Variants in CHD7 observed in about 807,000 individuals in gnomAD.
CHD7 encodes ATP-dependent chromatin remodeler CHD7.
CHD7 carries 24 observed loss-of-function variants against 307.3 expected under a neutral mutation model. That is an observed-to-expected ratio of 0.08 (90% CI 0.06 to 0.11). The LOEUF is 0.11. CHD7 is among the 10% of genes least tolerant of loss of function. The pLI is 1.00. For synonymous variants in CHD7, 1,363 were observed against 1,349.9 expected, an observed-to-expected ratio of 1.01 and a Z score of -0.21; for missense variants, 3,106 against 3,727.1, an observed-to-expected ratio of 0.83 and a Z score of 4.34.
chr8:60,744,388 A>G (rs10093135), intron 2 of CHD7, among the ~76,000 whole-genome samples: 117,488 of 151,702 alleles, frequency 0.77, 45,779 homozygotes, highest in East Asian at 0.94. Context: ...GACCAGAAGG[A>G]TCAAAGTGGG....
intron 7 of CHD7, among the ~76,000 whole-genome samples, chr8:60,810,640 T>C (rs1182576566): frequency 6.6e-6 from 1 of 152,180 alleles, no homozygotes; most frequent in East Asian, 1.9e-4. Context: ...CTAACATATA[T>C]AGGAAGTGAT....
chr8:60,743,032 C>A lies in CHD7; in HGVS notation c.1600C>A (p.His534Asn), dbSNP rs1405883701. 1 of 1,614,028 alleles carries A rather than the reference C, an allele frequency of 6.2e-7. No individual in the cohort carries two copies. The highest frequency in any genetic ancestry group is 8.5e-7 in the Non-Finnish European group (1 of 1,179,890). The change falls in exon 2 of 38, where the codon CAC (histidine) becomes AAC (asparagine). Residue 534 changes from histidine to asparagine, a missense_variant. By Grantham distance (68) the His-to-Asn change is moderately conservative. This residue lies in a region of CHD7 where 998 missense variants were observed against 1,004.5 expected (regional missense o/e 0.99). Coordinates refer to ENST00000423902, the MANE Select transcript of CHD7 (RefSeq NM_017780.4). ...HHQSSPPHPH[H>N]QPWAQLHPSP... ...CCAGTCTTCACCTCCACACCCTCAT[C>A]ACCAGCCTTGGGCACAGCTCCACCC...
Position 60,822,155 on chromosome 8 carries a change from A to G in CHD7, c.2957+10A>G. The G allele has an allele frequency of 1.3e-6, 2 of 1,599,530 alleles. No homozygotes were observed. The highest frequency in any genetic ancestry group is 1.7e-6 in the Non-Finnish European group (2 of 1,174,056). On this transcript the variant is annotated intron_variant, in intron 11 of 37. Transcript: ENST00000423902. ...TCAATTGGTACAACATGTATGTAAA[A>G]CAAGTTTTTCTTCACTTTTAAATAT...
intron 3 of CHD7, among the ~76,000 whole-genome samples, chr8:60,781,879 G>C (rs1446581437): frequency 6.6e-6 from 1 of 152,162 alleles, no homozygotes; most frequent in African/African-American, 2.4e-5. Flanking sequence ...CCACTTGGCG[G>C]AGTAAGCCTT....
At position 60,867,484 on chromosome 8, in the gene CHD7, A is replaced by G. The variant is rs1806277846; in HGVS notation, c.*1551A>G. ...TGTGGACCCCTTTTTGACCTTTGGT[A>G]TTTAAAGTAAAATATAATTTGAGAT... On this transcript the variant is annotated 3_prime_UTR_variant, in exon 38 of 38. Coordinates refer to ENST00000423902, the MANE Select transcript of CHD7 (RefSeq NM_017780.4). 6.6e-6 allele frequency: 1 copy of G among 152,256 alleles called. No individual in the cohort carries two copies. Among genetic ancestry groups the G allele is most frequent in the African/African-American group, 2.4e-5 (1 of 41,472 alleles). 9.4% of individuals were successfully genotyped at this position (152,256 alleles called of 1,614,324 possible).
intron 15 of CHD7, among the ~76,000 whole-genome samples, chr8:60,835,614 T>C (rs1054146525): frequency 6.6e-6 from 1 of 152,264 alleles, no homozygotes; most frequent in Non-Finnish European, 1.5e-5. Flanking sequence ...ACTATTGCTC[T>C]TACGCTGTAA....
At chr8:60,766,230 GGTAGAAGGATGT>G (rs1810462684) in intron 2 of CHD7, among the ~76,000 whole-genome samples, 1 of 152,190 alleles carries the variant, frequency 6.6e-6, no homozygotes, top group Non-Finnish European at 1.5e-5. Context: ...AAGTCCCTGA[GGTAGAAGGATGT>G]GTAGCTTGTT....
At chr8:60,804,164 G>A (rs201635235) in intron 6 of CHD7, among the ~76,000 whole-genome samples, 3 of 152,180 alleles carry the variant, frequency 2.0e-5, no homozygotes, top group East Asian at 3.9e-4. Flanking sequence ...TCTAAACCCA[G>A]GTTAATGTCT....
chr8:60,864,911 T>C, intron 37 of CHD7, 105 bp from the exon 38 acceptor site: 2 of 1,082,924 alleles, frequency 1.8e-6, no homozygotes. Context: ...AAGAACTACT[T>C]AGGTATTTCC....
At chr8:60,816,276 G>A in intron 7 of CHD7, 111 bp from the exon 8 acceptor site, 2 of 651,732 alleles carry the variant, frequency 3.1e-6, no homozygotes, top group South Asian at 1.8e-5. Context: ...GCCTTAATGG[G>A]TAATTAAGCA....
chr8:60,803,079 A>G (rs374223373), intron 6 of CHD7, among the ~76,000 whole-genome samples: 6 of 152,198 alleles, frequency 3.9e-5, no homozygotes, highest in African/African-American at 7.2e-5. Flanking sequence ...AACAAGCACT[A>G]TTTAACTCAT....
At chr8:60,775,377 T>A (rs1419052896) in intron 2 of CHD7, among the ~76,000 whole-genome samples, 1 of 152,236 alleles carries the variant, frequency 6.6e-6, no homozygotes, top group Non-Finnish European at 1.5e-5. Flanking sequence ...TACCAGTAAC[T>A]TAAATTGAGA....
In CHD7 at chr8:60,800,139, T is replaced by C. The variant is rs530917878; in HGVS notation, c.2239-249T>C. ...TCCACCTCGTGGGTTCGCGCCATTC[T>C]CCTGCCTCAGCCTCCCAAGTAGCTG... On this transcript the variant is annotated intron_variant, in intron 4 of 37. Transcript: ENST00000423902. 4.5e-3 allele frequency among the ~76,000 whole-genome samples: 680 copies of C among 152,124 alleles called. 1 individual carries two copies. Among genetic ancestry groups the C allele is most frequent in the Non-Finnish European group, 7.9e-3 (536 of 67,990 alleles).
chr8:60,776,592 C>T (rs760308304), intron 2 of CHD7, among the ~76,000 whole-genome samples: 2 of 152,180 alleles, frequency 1.3e-5, no homozygotes, highest in African/African-American at 4.8e-5. Context: ...GCACTCTTTC[C>T]CAGCAGGTAC....
rs764504598 is a variant in CHD7 at position 60,865,594 on chromosome 8, A to C, written c.8655A>C (p.Ser2885=). The change falls in exon 38 of 38, where the codon TCA becomes TCC. Residue 2885 remains serine, a synonymous_variant. Coordinates refer to ENST00000423902, the MANE Select transcript of CHD7 (RefSeq NM_017780.4). This position sits in a 1 kb window ranked among gnomAD's most constrained non-coding sequence, Gnocchi z 4.3. ...GAATAPAGLP[S]NPLAFNPFLL... is the part of the protein sequence containing the mutation. ...CTACTGCCCCGGCTGGATTGCCCTC[A>C]AACCCGCTAGCCTTCAACCCTTTCC... is the stretch of plus-strand genomic sequence containing the variant. 4 of 1,613,942 alleles carry C rather than the reference A, an allele frequency of 2.5e-6. No individual in the cohort carries two copies. Among genetic ancestry groups the C allele is most frequent in the Middle Eastern group, 1.6e-4 (1 of 6,062 alleles).
At chr8:60,715,805 A>G (rs1470757257) in intron 1 of CHD7, among the ~76,000 whole-genome samples, 4 of 152,172 alleles carry the variant, frequency 2.6e-5, no homozygotes, top group African/African-American at 9.6e-5. Flanking sequence ...ACATGGTATA[A>G]TGGAAAAAAA....
chr8:60,865,427 G>A lies in CHD7; in HGVS notation c.8488G>A (p.Ala2830Thr), dbSNP rs533600930. The change falls in exon 38 of 38, where the codon GCT becomes ACT. Residue 2830 changes from alanine to threonine, a missense_variant. Physicochemically the swap from Ala to Thr is moderately conservative, Grantham distance 58. Transcript: ENST00000423902. The surrounding 1 kb of genome is among the most constrained non-coding windows in gnomAD (Gnocchi z 4.3). Reference protein sequence around the residue: ...LSAATGNTTTASSQGEPEDST... With the variant: ...LSAATGNTTTTSSQGEPEDST... ...AGCTGCTACTGGAAACACCACTACT[G>A]CTTCTAGTCAAGGAGAACCGGAAGA... is the stretch of plus-strand genomic sequence containing the variant. 1.7e-4 allele frequency: 277 copies of A among 1,613,884 alleles called. 2 individuals carry two copies. The South Asian group carries it at 2.8e-3, about 16-fold the overall frequency.
chr8:60,844,216 G>T (rs1403980728), intron 21 of CHD7, among the ~76,000 whole-genome samples: 1 of 152,192 alleles, frequency 6.6e-6, no homozygotes, highest in Non-Finnish European at 1.5e-5. Flanking sequence ...CAGTCCCCAT[G>T]GTGTGTTGTC....
chr8:60,754,703 C>T (rs1381882430), intron 2 of CHD7, among the ~76,000 whole-genome samples: 1 of 152,162 alleles, frequency 6.6e-6, no homozygotes, highest in African/African-American at 2.4e-5. Context: ...ATACTAGCTG[C>T]TTTCTAAGTG....
Sources: allele counts gnomAD v4.1 joint callset (sites outside exome capture counted in the v4.1 genomes callset), GRCh38; gene constraint gnomAD v4.1.1; regional missense constraint gnomAD v4.1.1; non-coding constraint Gnocchi (gnomAD v3.1); transcripts MANE v1.5; gene names NCBI Gene and HGNC (gene_info 2026-07-23, HGNC 2026-07-21).